The following SOCS5 variants were observed in gnomAD, a reference collection of about 807,000 sequenced individuals.
SOCS5 encodes suppressor of cytokine signaling 5.
SOCS5 carries 32 observed loss-of-function variants against 42.8 expected under a neutral mutation model. The ratio of observed to expected loss-of-function variants is 0.75; its 90% confidence interval spans 0.56 to 1.01. The LOEUF (loss-of-function observed/expected upper bound fraction) is 1.01. SOCS5 is among the 50% of genes least tolerant of loss of function. The pLI, the probability that SOCS5 is intolerant of heterozygous loss-of-function variation, is 0.00. For synonymous variants in SOCS5, 283 were observed against 229.6 expected, an observed-to-expected ratio of 1.23 and a Z score of -2.10; for missense variants, 627 against 653.0, an observed-to-expected ratio of 0.96 and a Z score of 0.43.
chr2:46,746,961 G>A (rs1673515450), intron 1 of SOCS5, among the ~76,000 whole-genome samples: 1 of 91,100 alleles, frequency 1.1e-5, no homozygotes, highest in Non-Finnish European at 2.2e-5. Flanking sequence ...TGAGCTGGCT[G>A]TTGCATCTCT....
chr2:46,733,366 A>T (rs1430895641), intron 1 of SOCS5, among the ~76,000 whole-genome samples: 2 of 152,106 alleles, frequency 1.3e-5, no homozygotes, highest in Non-Finnish European at 2.9e-5. Flanking sequence ...AAGTGTTGGT[A>T]TTATAGGCGT....
chr2:46,714,222 T>C (rs574232715), intron 1 of SOCS5, among the ~76,000 whole-genome samples: 1 of 152,360 alleles, frequency 6.6e-6, no homozygotes, highest in East Asian at 1.9e-4. Context: ...CTGTCAACTA[T>C]TGTGAGAGGA....
At chr2:46,754,871 G>C (rs1193112046) in intron 1 of SOCS5, among the ~76,000 whole-genome samples, 1 of 152,140 alleles carries the variant, frequency 6.6e-6, no homozygotes, top group African/African-American at 2.4e-5. Flanking sequence ...AGTTATGACA[G>C]CCACACATTC....
chr2:46,705,223 G>T (rs1042646609), intron 1 of SOCS5, among the ~76,000 whole-genome samples: 3 of 152,196 alleles, frequency 2.0e-5, no homozygotes, highest in Admixed American at 6.5e-5. Context: ...GGCTGTAGGA[G>T]CCCCAGTTTA....
intron 1 of SOCS5, among the ~76,000 whole-genome samples, chr2:46,705,376 A>T (rs1419450966): frequency 2.0e-5 from 3 of 152,170 alleles, no homozygotes; most frequent in African/African-American, 7.2e-5. Context: ...ATTGGTTTGA[A>T]TTAGAGGGCA....
At chr2:46,754,679 T>C (rs1056074069) in intron 1 of SOCS5, among the ~76,000 whole-genome samples, 1 of 152,170 alleles carries the variant, frequency 6.6e-6, no homozygotes, top group African/African-American at 2.4e-5. Flanking sequence ...TATATGTTTA[T>C]TTTTTACCCA....
intron 1 of SOCS5, among the ~76,000 whole-genome samples, chr2:46,707,712 T>C (rs1672528716): frequency 6.6e-6 from 1 of 152,180 alleles, no homozygotes; most frequent in African/African-American, 2.4e-5. Flanking sequence ...AAGAGAATAG[T>C]CTGGAGGAGA....
At chr2:46,729,913 C>G (rs1393494824) in intron 1 of SOCS5, among the ~76,000 whole-genome samples, 1 of 152,120 alleles carries the variant, frequency 6.6e-6, no homozygotes, top group African/African-American at 2.4e-5. Flanking sequence ...TACAGCTGTA[C>G]AAAAATGTTT....
At chr2:46,729,492 C>T (rs1192586991) in intron 1 of SOCS5, among the ~76,000 whole-genome samples, 3 of 152,200 alleles carry the variant, frequency 2.0e-5, no homozygotes, top group Non-Finnish European at 4.4e-5. Context: ...AGGCTACAAA[C>T]CTGTATAGCC....
At chr2:46,710,700 G>T (rs923117945) in intron 1 of SOCS5, among the ~76,000 whole-genome samples, 5 of 152,098 alleles carry the variant, frequency 3.3e-5, no homozygotes, top group African/African-American at 1.2e-4. Flanking sequence ...CACTAAAAAA[G>T]AAAATTTAAA....
chr2:46,711,652 C>G (rs183986342), intron 1 of SOCS5, among the ~76,000 whole-genome samples: 17 of 152,222 alleles, frequency 1.1e-4, no homozygotes, highest in Non-Finnish European at 2.4e-4. Context: ...TCCTCTTATG[C>G]TAGTGTTTTT....
At chr2:46,734,494 AGTTCAC>A in intron 1 of SOCS5, among the ~76,000 whole-genome samples, 1 of 152,184 alleles carries the variant, frequency 6.6e-6, no homozygotes, top group East Asian at 1.9e-4. Flanking sequence ...CATTGGCCTT[AGTTCAC>A]TTTAATAGGC....
At chr2:46,718,297 A>G (rs1351682037) in intron 1 of SOCS5, among the ~76,000 whole-genome samples, 1 of 152,208 alleles carries the variant, frequency 6.6e-6, no homozygotes, top group African/African-American at 2.4e-5. Context: ...TTACTCCATC[A>G]TAATTGAAAG....
At chr2:46,737,456 T>C (rs1457544286) in intron 1 of SOCS5, among the ~76,000 whole-genome samples, 3 of 152,220 alleles carry the variant, frequency 2.0e-5, no homozygotes, top group African/African-American at 7.2e-5. Flanking sequence ...GGGTGACTTT[T>C]ATTATCAGAT....
At position 46,759,683 on chromosome 2, in the gene SOCS5, G is replaced by A; in HGVS notation, c.1153G>A (p.Val385Met). 1 of 1,614,146 alleles carries A rather than the reference G, an allele frequency of 6.2e-7. No individual in the cohort carries two copies. The highest frequency in any genetic ancestry group is 1.1e-5 in the South Asian group (1 of 91,080). Residue 385 changes from valine (V) to methionine (M), a missense_variant, in exon 2 of 2, where the codon GTG becomes ATG. Physicochemically the swap from Val to Met is conservative, Grantham distance 21. Coordinates refer to ENST00000394861, the MANE Select transcript of SOCS5 (RefSeq NM_144949.3). ...QITGNPCYWG[V>M]MDRYEAEALL... ...TACAGGGAATCCCTGTTACTGGGGA[G>A]TGATGGACCGTTATGAAGCAGAAGC...
intron 1 of SOCS5, among the ~76,000 whole-genome samples, chr2:46,756,669 AAAAT>A (rs1355894147): frequency 6.6e-6 from 1 of 152,248 alleles, no homozygotes; most frequent in Non-Finnish European, 1.5e-5. Flanking sequence ...GAATTAGGTA[AAAAT>A]AAAAACTAAT....
At chr2:46,749,589 G>A (rs60426444) in intron 1 of SOCS5, among the ~76,000 whole-genome samples, 2,434 of 152,184 alleles carry the variant, frequency 0.016, 64 homozygotes, top group African/African-American at 0.055. Flanking sequence ...AGGATTTTAG[G>A]CTTCTCTAGT....
Position 46,758,629 on chromosome 2 carries a change from C to T in SOCS5, c.99C>T (p.Asn33=). ...GGSRSENVDM[N]SNRCLSVKEK... ...GCCGTAGTGAAAATGTGGACATGAACTCCAACAGATGTTTGTCTGTCAAAG... is the reference window on the plus strand; with the variant it reads ...GCCGTAGTGAAAATGTGGACATGAATTCCAACAGATGTTTGTCTGTCAAAG... Residue 33 remains asparagine (N), a synonymous_variant, in exon 2 of 2, where the codon AAC becomes AAT. Coordinates refer to ENST00000394861, the MANE Select transcript of SOCS5 (RefSeq NM_144949.3). 6.2e-7 allele frequency: 1 copy of T among 1,614,006 alleles called. No homozygotes were observed. The highest frequency in any genetic ancestry group is 1.7e-5 in the Admixed American group (1 of 60,020).
chr2:46,747,527 A>C (rs79906751), intron 1 of SOCS5, among the ~76,000 whole-genome samples: 1 of 152,010 alleles, frequency 6.6e-6, no homozygotes. Flanking sequence ...GTCTCTTTTA[A>C]ATCTGTTTTA....
Sources: gnomAD v4.1 joint callset for allele counts (sites outside exome capture counted in the v4.1 genomes callset) on GRCh38, gnomAD v4.1.1 for gene constraint, MANE v1.5 for transcripts, NCBI Gene and HGNC (gene_info 2026-07-23, HGNC 2026-07-21) for gene names.